Variants in ARL15 observed in about 807,000 individuals in gnomAD.
ARL15 encodes the protein ARF like GTPase 15.
ARL15 carries 19 observed loss-of-function variants against 25.2 expected under a neutral mutation model. That is an observed-to-expected ratio of 0.75 (90% CI 0.53 to 1.10). The LOEUF is 1.10. Ranked by LOEUF, ARL15 falls within the 50% of genes least tolerant of loss-of-function variation. ARL15 has a pLI of 0.00. For synonymous variants in ARL15, 94 were observed against 86.8 expected (o/e 1.08, Z -0.46); for missense variants, 220 against 246.0 (o/e 0.89, Z 0.71).
intron 4 of ARL15, among the ~76,000 whole-genome samples, chr5:54,077,809 T>C (rs1176137185): frequency 2.0e-5 from 3 of 152,158 alleles, no homozygotes; most frequent in African/African-American, 7.2e-5. Context: ...AAAGGGTAGG[T>C]ATGTAAGGCA....
intron 1 of ARL15, among the ~76,000 whole-genome samples, chr5:54,227,283 T>C (rs1756551151): frequency 1.3e-5 from 2 of 152,184 alleles, no homozygotes; most frequent in South Asian, 4.1e-4. Context: ...ACAGGATCCC[T>C]ACACAGCTTG....
At position 54,278,242 on chromosome 5, in the gene ARL15, T is replaced by C. The variant is rs1418844672; in HGVS notation, c.48+32190A>G. Among the ~76,000 whole-genome samples, 6 of 152,216 alleles carry C rather than the reference T, an allele frequency of 3.9e-5. No individual in the cohort carries two copies. The South Asian group carries it at 6.2e-4, about 16-fold the overall frequency. On this transcript the variant is annotated intron_variant, in intron 1 of 4. Coordinates refer to ENST00000504924, the MANE Select transcript of ARL15 (RefSeq NM_019087.3). Reference sequence around the variant, plus strand: ...CATTCCTAAGAGCATTCCAAAGCAATGCCCTTGTGTGCCTCTCTGGCCTGG... The same window carrying C: ...CATTCCTAAGAGCATTCCAAAGCAACGCCCTTGTGTGCCTCTCTGGCCTGG...
intron 4 of ARL15, among the ~76,000 whole-genome samples, chr5:54,090,317 A>T (rs746439910): frequency 3.3e-5 from 5 of 152,218 alleles, no homozygotes; most frequent in Non-Finnish European, 7.3e-5. Context: ...AGAAGACCAC[A>T]GAAGAATGCA....
intron 4 of ARL15, among the ~76,000 whole-genome samples, chr5:54,029,866 G>A (rs1188574499): frequency 1.3e-5 from 2 of 151,920 alleles, no homozygotes; most frequent in Non-Finnish European, 2.9e-5. Context: ...GCATAGTGGC[G>A]GGTGCCTGTA....
At chr5:53,943,830 G>A (rs535257341) in intron 4 of ARL15, among the ~76,000 whole-genome samples, 10 of 152,260 alleles carry the variant, frequency 6.6e-5, no homozygotes, top group Middle Eastern at 3.4e-3. Context: ...TCAAACCAGC[G>A]CTCAAAAGCT....
intron 1 of ARL15, among the ~76,000 whole-genome samples, chr5:54,231,992 C>CT (rs1325198262): frequency 2.6e-5 from 4 of 152,170 alleles, no homozygotes; most frequent in African/African-American, 9.6e-5. Context: ...ACTTAGCAGT[C>CT]TACGCTGCGG....
chr5:54,245,159 T>A (rs17619996), intron 1 of ARL15, among the ~76,000 whole-genome samples: 17,005 of 152,156 alleles, frequency 0.11, 1,245 homozygotes, highest in East Asian at 0.41. Context: ...TTTAAAATAA[T>A]CTCTCAAAGA....
intron 3 of ARL15, among the ~76,000 whole-genome samples, chr5:54,133,870 A>G (rs1240915962): frequency 6.6e-6 from 1 of 152,186 alleles, no homozygotes; most frequent in African/African-American, 2.4e-5. Flanking sequence ...GGCTAAAATG[A>G]AGTTATACTC....
At chr5:54,164,786 G>C (rs1283013920) in intron 2 of ARL15, among the ~76,000 whole-genome samples, 2 of 151,732 alleles carry the variant, frequency 1.3e-5, no homozygotes, top group African/African-American at 4.8e-5. Flanking sequence ...GTATTTGGTT[G>C]GGTCTTGGTT....
chr5:54,158,641 G>A (rs1242448539), intron 2 of ARL15, among the ~76,000 whole-genome samples: 2 of 152,216 alleles, frequency 1.3e-5, no homozygotes, highest in African/African-American at 2.4e-5. Context: ...TTGGGAGGCC[G>A]AGGCGGGTGG....
intron 3 of ARL15, among the ~76,000 whole-genome samples, chr5:54,117,304 T>A (rs532059184): frequency 1.3e-5 from 2 of 151,338 alleles, no homozygotes; most frequent in Non-Finnish European, 2.9e-5. Context: ...ACTCTTTCAA[T>A]GAGAAACTAT....
At chr5:53,992,399 G>C (rs1038565578) in intron 4 of ARL15, among the ~76,000 whole-genome samples, 2 of 152,094 alleles carry the variant, frequency 1.3e-5, no homozygotes, top group East Asian at 3.9e-4. Flanking sequence ...AACACACACA[G>C]AGGAAATCTA....
At chr5:53,983,615 G>A (rs1310904871) in intron 4 of ARL15, among the ~76,000 whole-genome samples, 2 of 152,178 alleles carry the variant, frequency 1.3e-5, no homozygotes, top group Non-Finnish European at 2.9e-5. Flanking sequence ...TACTGTAATT[G>A]TAAATTGGTC....
At chr5:54,083,336 T>C (rs367610588) in intron 4 of ARL15, among the ~76,000 whole-genome samples, 2 of 152,220 alleles carry the variant, frequency 1.3e-5, no homozygotes, top group East Asian at 1.9e-4. Flanking sequence ...GGAGAACTTC[T>C]AATGCAACTG....
intron 4 of ARL15, among the ~76,000 whole-genome samples, chr5:54,071,171 A>G (rs78920658): frequency 6.9e-4 from 52 of 75,782 alleles, no homozygotes; most frequent in African/African-American, 6.4e-3. Flanking sequence ...CCCTGTCTCA[A>G]AAAAAAAAAA....
intron 3 of ARL15, among the ~76,000 whole-genome samples, chr5:54,151,023 C>A (rs1754052847): frequency 6.6e-6 from 1 of 152,104 alleles, no homozygotes; most frequent in African/African-American, 2.4e-5. Flanking sequence ...CTGATACCAA[C>A]CTCCGGCTCC....
intron 4 of ARL15, among the ~76,000 whole-genome samples, chr5:54,058,592 G>A (rs1282393093): frequency 6.6e-6 from 1 of 152,146 alleles, no homozygotes; most frequent in Non-Finnish European, 1.5e-5. Flanking sequence ...AGTGAGCTCT[G>A]GGGAAATCTG....
chr5:53,920,107 C>CT (rs1278365553), intron 4 of ARL15, among the ~76,000 whole-genome samples: 3 of 152,124 alleles, frequency 2.0e-5, no homozygotes, highest in East Asian at 1.9e-4. Flanking sequence ...ATGTGAATAA[C>CT]TTTTTAAAAA....
chr5:54,033,906 C>T (rs1242728170), intron 4 of ARL15, among the ~76,000 whole-genome samples: 3 of 152,072 alleles, frequency 2.0e-5, no homozygotes, highest in Admixed American at 6.5e-5. Flanking sequence ...CTCCGCCTCC[C>T]GGGTTCACAC....
Sources: gnomAD v4.1 joint callset for allele counts (sites outside exome capture counted in the v4.1 genomes callset) on GRCh38, gnomAD v4.1.1 for gene constraint, MANE v1.5 for transcripts, NCBI Gene and HGNC (gene_info 2026-07-23, HGNC 2026-07-21) for gene names.